Variants in DLG1 observed in about 807,000 individuals in gnomAD.
The protein encoded by DLG1 is disks large homolog 1.
DLG1 carries 42 observed loss-of-function variants against 123.4 expected under a neutral mutation model. That is an observed-to-expected ratio of 0.34 (90% CI 0.27 to 0.44). The LOEUF is 0.44. Ranked by LOEUF, DLG1 falls within the 20% of genes least tolerant of loss-of-function variation. The pLI is 1.00. For missense variants in DLG1, 942 were observed against 1,082.6 expected, an observed-to-expected ratio of 0.87 and a Z score of 1.82; for synonymous variants, 317 against 356.2, an observed-to-expected ratio of 0.89 and a Z score of 1.24.
intron 11 of DLG1, among the ~76,000 whole-genome samples, chr3:197,121,640 T>C (rs1238377924): frequency 1.3e-5 from 2 of 152,000 alleles, no homozygotes; most frequent in South Asian, 2.1e-4. Context: ...GTTATAAACA[T>C]TGTGGCTCTT....
intron 4 of DLG1, among the ~76,000 whole-genome samples, chr3:197,221,077 T>C (rs1217493850): frequency 1.3e-5 from 2 of 152,210 alleles, no homozygotes; most frequent in African/African-American, 4.8e-5. Context: ...TAGTGCTCAG[T>C]GAACTGTTTC....
chr3:197,264,283 T>C (rs965593808), intron 4 of DLG1, among the ~76,000 whole-genome samples: 7 of 152,214 alleles, frequency 4.6e-5, no homozygotes, highest in African/African-American at 1.7e-4. Flanking sequence ...ACAACGTCAC[T>C]TGACCATTTA....
chr3:197,297,925 G>T (rs1778310914), intron 1 of DLG1: 3 of 983,972 alleles, frequency 3.0e-6, no homozygotes, highest in Non-Finnish European at 2.4e-6. Flanking sequence ...CCGAGCGGAG[G>T]GGGCGAAGGG....
chr3:197,109,943 C>G (rs60142347), intron 13 of DLG1, among the ~76,000 whole-genome samples: 6,298 of 152,242 alleles, frequency 0.041, 179 homozygotes, highest in Non-Finnish European at 0.054. Context: ...CGGCTTTAGA[C>G]AGTTCGATTG....
intron 3 of DLG1, among the ~76,000 whole-genome samples, chr3:197,292,913 C>T (rs1775625036): frequency 6.6e-6 from 1 of 152,266 alleles, no homozygotes; most frequent in African/African-American, 2.4e-5. Flanking sequence ...TCTCTGATCC[C>T]GTAAGAAATA....
rs58255169 is a variant in DLG1, at chr3:197,054,792, G to A, written c.2484-3124C>T. Among the ~76,000 whole-genome samples the A allele has an allele frequency of 1.0e-3, 157 of 151,770 alleles. 2 individuals are homozygous for A. The highest frequency in any genetic ancestry group is 3.5e-3 in the African/African-American group (144 of 41,426). Reference sequence around the variant, plus strand: ...TGCATGTAGCTGGGACCACAGGCTCGTGCCACCATGGCCAGCTAATTTTTG... The same window carrying A: ...TGCATGTAGCTGGGACCACAGGCTCATGCCACCATGGCCAGCTAATTTTTG... On this transcript the variant is annotated intron_variant, in intron 23 of 24. Transcript: ENST00000667157.
At chr3:197,261,877 T>G (rs1759593870) in intron 4 of DLG1, among the ~76,000 whole-genome samples, 1 of 152,188 alleles carries the variant, frequency 6.6e-6, no homozygotes, top group African/African-American at 2.4e-5. Context: ...GTGTGAGGAT[T>G]AAATAATATA....
intron 7 of DLG1, among the ~76,000 whole-genome samples, chr3:197,142,288 C>A (rs551418248): frequency 3.9e-5 from 6 of 152,142 alleles, no homozygotes; most frequent in African/African-American, 1.4e-4. Context: ...TCTAAGGCGG[C>A]AGGATAACTA....
chr3:197,214,422 A>C (rs1732932942), intron 4 of DLG1, among the ~76,000 whole-genome samples: 1 of 151,908 alleles, frequency 6.6e-6, no homozygotes, highest in Non-Finnish European at 1.5e-5. Flanking sequence ...AAAACACAAA[A>C]AGTAGCCGGG....
intron 5 of DLG1, among the ~76,000 whole-genome samples, chr3:197,186,203 G>T (rs1715873470): frequency 6.6e-6 from 1 of 152,118 alleles, no homozygotes; most frequent in Non-Finnish European, 1.5e-5. Context: ...ATCACAAGAG[G>T]GGTTTCACAT....
chr3:197,103,183 CTT>C (rs1278413101), intron 14 of DLG1, among the ~76,000 whole-genome samples: 1 of 152,188 alleles, frequency 6.6e-6, no homozygotes, highest in African/African-American at 2.4e-5. Flanking sequence ...CTTAAGGAGT[CTT>C]TACCTCTACT....
chr3:197,269,640 C>T (rs796374186), intron 4 of DLG1, among the ~76,000 whole-genome samples: 7 of 152,276 alleles, frequency 4.6e-5, no homozygotes, highest in African/African-American at 1.7e-4. Context: ...GTACCAATAT[C>T]CCTGAATGAC....
At chr3:197,209,592 C>T (rs533084325) in intron 4 of DLG1, among the ~76,000 whole-genome samples, 10 of 146,754 alleles carry the variant, frequency 6.8e-5, no homozygotes, top group African/African-American at 2.4e-4. Flanking sequence ...GAATATGGTA[C>T]ATTTGCCAAT....
At chr3:197,203,269 AAAGT>A (rs1561435026) in intron 4 of DLG1, among the ~76,000 whole-genome samples, 2 of 152,182 alleles carry the variant, frequency 1.3e-5, no homozygotes, top group African/African-American at 2.4e-5. Context: ...GTCTCAAAAT[AAAGT>A]AAGTAAAATT....
intron 5 of DLG1, among the ~76,000 whole-genome samples, chr3:197,166,968 C>G (rs553760005): frequency 7.9e-5 from 12 of 151,990 alleles, no homozygotes; most frequent in Non-Finnish European, 1.8e-4. Flanking sequence ...GACTCCAGTG[C>G]TAGAGCTCAG....
intron 4 of DLG1, among the ~76,000 whole-genome samples, chr3:197,279,462 G>A (rs1392912065): frequency 6.6e-6 from 1 of 152,090 alleles, no homozygotes; most frequent in Non-Finnish European, 1.5e-5. Flanking sequence ...TCCCCTTAGA[G>A]TCTATTCATG....
chr3:197,179,190 TC>T (rs942606253), intron 5 of DLG1, among the ~76,000 whole-genome samples: 14 of 152,178 alleles, frequency 9.2e-5, no homozygotes, highest in African/African-American at 3.4e-4. Flanking sequence ...GTCTGGACTT[TC>T]TGTGGTGACA....
chr3:197,095,379 A>C (rs550072543), intron 14 of DLG1, among the ~76,000 whole-genome samples: 1 of 151,272 alleles, frequency 6.6e-6, no homozygotes, highest in Admixed American at 6.6e-5. Flanking sequence ...TTTAGTTGTC[A>C]CGTCTTTTTA....
chr3:197,263,929 A>T (rs952879567), intron 4 of DLG1, among the ~76,000 whole-genome samples: 27 of 152,236 alleles, frequency 1.8e-4, no homozygotes, highest in African/African-American at 6.0e-4. Flanking sequence ...GTGATTACAA[A>T]ATTGAAAACA....
Sources: allele counts gnomAD v4.1 joint callset (sites outside exome capture counted in the v4.1 genomes callset), GRCh38; gene constraint gnomAD v4.1.1; transcripts MANE v1.5; gene names NCBI Gene and HGNC (gene_info 2026-07-23, HGNC 2026-07-21).